Variants in NBPF26 observed in about 807,000 individuals in gnomAD.
NBPF26 encodes the protein NBPF member 26.
NBPF26 carries 79 observed loss-of-function variants against 119.6 expected under a neutral mutation model. That is an observed-to-expected ratio of 0.66 (90% CI 0.55 to 0.80). The LOEUF (loss-of-function observed/expected upper bound fraction) is 0.80, where lower values mean the gene tolerates loss of function less well. Among genes scored for constraint, NBPF26 ranks in the 30% least tolerant of loss-of-function variants. The pLI is 0.00. For missense variants in NBPF26, 800 were observed against 1,198.2 expected (o/e 0.67, Z 4.91); for synonymous variants, 299 against 457.7 (o/e 0.65, Z 4.43).
At chr1:120,724,212 T>C in exon 1 of NBPF26, 1 of 1,406,180 alleles carries the variant, frequency 7.1e-7, no homozygotes, top group Non-Finnish European at 9.3e-7. Flanking sequence ...CTGTGGGCGC[T>C]GCTGGCGCTC....
intron 17 of NBPF26, among the ~76,000 whole-genome samples, chr1:120,823,772 G>GTGTGTGTGTGTC (rs1169801196): frequency 6.2e-5 from 7 of 113,030 alleles, no homozygotes; most frequent in Admixed American, 5.9e-4. Context: ...GTGTGTGTGT[G>GTGTGTGTGTGTC]TGTGTGTGTG....
chr1:120,760,180 CTT>C (rs1161423259), intron 1 of NBPF26, among the ~76,000 whole-genome samples: 3 of 15,166 alleles, frequency 2.0e-4, no homozygotes, highest in South Asian at 1.3e-3. Flanking sequence ...TCTACCACAG[CTT>C]TTTTTTTTTT....
At chr1:120,813,249 A>G (rs1411048933) in intron 10 of NBPF26, among the ~76,000 whole-genome samples, 1 of 123,780 alleles carries the variant, frequency 8.1e-6, no homozygotes, top group Non-Finnish European at 1.6e-5. Context: ...AATCTCCTAG[A>G]ACATTTATTG....
rs1427731671 is a variant in NBPF26 at position 120,769,579 on chromosome 1, T to A, written c.155+5870T>A. Among the ~76,000 whole-genome samples the A allele has an allele frequency of 1.1e-4, 14 of 122,702 alleles. 5 individuals are homozygous for A. The highest frequency in any genetic ancestry group is 2.5e-4 in the African/African-American group (6 of 24,216). The allele number at this position is 122,702 out of a possible 152,430, so 80.5% of individuals were successfully genotyped here. ...TTTAACATAAAACAAAGAATGCTGTTTTTTTGGCTCATTAAATACCTCTCA... is the reference window on the plus strand; with the variant it reads ...TTTAACATAAAACAAAGAATGCTGTATTTTTGGCTCATTAAATACCTCTCA... On this transcript the variant is annotated intron_variant, in intron 2 of 29. Coordinates refer to ENST00000620612, the Ensembl canonical transcript of NBPF26.
At chr1:120,816,923 A>G in intron 14 of NBPF26, 96 bp downstream of exon 14, 4 of 1,232,374 alleles carry the variant, frequency 3.2e-6, no homozygotes, top group South Asian at 2.7e-5. Flanking sequence ...ATTTGAATAA[A>G]AAACTGTGAT....
chr1:120,840,610 C>T lies in NBPF26; in HGVS notation c.*17C>T, dbSNP rs1553273592. On this transcript the variant is annotated 3_prime_UTR_variant, in exon 30 of 30. Coordinates refer to ENST00000620612, the Ensembl canonical transcript of NBPF26. ...CCACAATAAGCAGCCCTTACTAAGC[C>T]GAGAGGTGTCATTCCTGCAGGCAGG... The T allele has an allele frequency of 5.6e-3, 8,149 of 1,459,388 alleles. 1,827 individuals are homozygous for T. The highest frequency in any genetic ancestry group is 6.9e-3 in the Non-Finnish European group (7,494 of 1,084,428). 90.4% of individuals were successfully genotyped at this position (1,459,388 alleles called of 1,614,324 possible).
chr1:120,735,252 A>G lies in NBPF26; in HGVS notation c.73+11002A>G, dbSNP rs1432778989. Among the ~76,000 whole-genome samples, 3 of 49,124 alleles carry G rather than the reference A, an allele frequency of 6.1e-5. 1 individual carries two copies. Among genetic ancestry groups the G allele is most frequent in the Non-Finnish European group, 1.0e-4 (3 of 28,742 alleles). The allele number at this position is 49,124 out of a possible 152,430, so 32.2% of individuals were successfully genotyped here. On this transcript the variant is annotated intron_variant, in intron 1 of 29. Transcript: ENST00000620612. Reference sequence around the variant, plus strand: ...CTAATTTTTTGTAGTTTTAGTAGAGACGGGGTTTCTCTATGTTGGGCAGGC... The same window carrying G: ...CTAATTTTTTGTAGTTTTAGTAGAGGCGGGGTTTCTCTATGTTGGGCAGGC...
rs1651503390 is a variant in NBPF26, at chr1:120,792,557, A to C, written c.416-604A>C. On this transcript the variant is annotated intron_variant, in intron 3 of 29. Transcript: ENST00000620612. ...TGCTGTGTCGCCCAGGCTGGAGTGC[A>C]GTGGTACAATCTCGGCTCACTGCAA... is the stretch of plus-strand genomic sequence containing the variant. 3.6e-5 allele frequency among the ~76,000 whole-genome samples: 4 copies of C among 110,412 alleles called. 1 individual carries two copies. The highest frequency in any genetic ancestry group is 3.5e-4 in the Admixed American group (4 of 11,422). 72.4% of individuals were successfully genotyped at this position (110,412 alleles called of 152,430 possible).
chr1:120,805,461 A>C, intron 4 of NBPF26, 95 bp from the exon 5 acceptor site: 2 of 1,385,922 alleles, frequency 1.4e-6, no homozygotes, highest in Non-Finnish European at 9.8e-7. Flanking sequence ...ACAGTAAGGT[A>C]AGAATTTCAG....
chr1:120,762,493 A>C (rs1453619417), intron 1 of NBPF26, among the ~76,000 whole-genome samples: 1 of 112,902 alleles, frequency 8.9e-6, no homozygotes, highest in Non-Finnish European at 1.7e-5. Context: ...CAATTTATGC[A>C]TAGAGTGGTG....
intron 7 of NBPF26, among the ~76,000 whole-genome samples, 186 bp from the exon 8 acceptor site, chr1:120,809,625 C>G (rs1410145914): frequency 2.0e-5 from 3 of 150,648 alleles, no homozygotes; most frequent in African/African-American, 7.4e-5. Context: ...TGGCCCTCCA[C>G]ATCAGAAATG....
chr1:120,814,262 G>A (rs1425518087), intron 11 of NBPF26, among the ~76,000 whole-genome samples: 2 of 120,930 alleles, frequency 1.7e-5, no homozygotes, highest in Admixed American at 1.6e-4. Context: ...AACCAAAGGA[G>A]TGTGAACCAC....
At chr1:120,812,818 G>A (rs1432477257) in intron 10 of NBPF26, among the ~76,000 whole-genome samples, 1 of 101,924 alleles carries the variant, frequency 9.8e-6, no homozygotes, top group African/African-American at 5.8e-5. Flanking sequence ...CCCTGCTCAG[G>A]AGGCTGAGGC....
chr1:120,779,457 C>G (rs1651337676), intron 2 of NBPF26, among the ~76,000 whole-genome samples: 1 of 115,946 alleles, frequency 8.6e-6, no homozygotes, highest in African/African-American at 4.2e-5. Flanking sequence ...TATGTTCTTT[C>G]AGAGTTCAAT....
In NBPF26 at chr1:120,791,402, G is replaced by A. The variant is rs1391845600; in HGVS notation, c.416-1759G>A. Among the ~76,000 whole-genome samples, 16 of 108,512 alleles carry A rather than the reference G, an allele frequency of 1.5e-4. 3 individuals carry two copies. The highest frequency in any genetic ancestry group is 7.9e-4 in the South Asian group (3 of 3,782). The allele number at this position is 108,512 out of a possible 152,430, so 71.2% of individuals were successfully genotyped here. On this transcript the variant is annotated intron_variant, in intron 3 of 29. Transcript: ENST00000620612. ...GCAAAGAGTTGGAACCAGCCCAAAT[G>A]TCCATCAATGATAGACTGGATTAAG... is the stretch of plus-strand genomic sequence containing the variant.
intron 3 of NBPF26, among the ~76,000 whole-genome samples, chr1:120,789,898 G>T (rs1186115387): frequency 1.5e-5 from 1 of 66,252 alleles, no homozygotes; most frequent in East Asian, 3.3e-4. Flanking sequence ...GGAAATGACA[G>T]TAATGCCTTC....
In NBPF26 at chr1:120,801,329, T is replaced by A. The variant is rs1651578845; in HGVS notation, c.752-4227T>A. ...TGACTGCCCATAGGTACAGGCATGCTTTTTGGCATTATGAAAATATACTGG... is the reference window on the plus strand; with the variant it reads ...TGACTGCCCATAGGTACAGGCATGCATTTTGGCATTATGAAAATATACTGG... On this transcript the variant is annotated intron_variant, in intron 4 of 29. Transcript: ENST00000620612. 1.7e-5 allele frequency among the ~76,000 whole-genome samples: 2 copies of A among 120,548 alleles called. 1 individual carries two copies. Among genetic ancestry groups the A allele is most frequent in the Non-Finnish European group, 3.3e-5 (2 of 60,246 alleles). The allele number at this position is 120,548 out of a possible 152,430, so 79.1% of individuals were successfully genotyped here.
intron 2 of NBPF26, among the ~76,000 whole-genome samples, chr1:120,770,307 C>G (rs1421794013): frequency 1.9e-5 from 2 of 107,988 alleles, no homozygotes; most frequent in East Asian, 2.2e-4. Flanking sequence ...GTAGCCGGGA[C>G]TATAAGCGCC....
chr1:120,784,881 G>T (rs1270228111), intron 2 of NBPF26, 93 bp from the exon 3 acceptor site: 2 of 1,035,174 alleles, frequency 1.9e-6, no homozygotes, highest in South Asian at 1.4e-5. Flanking sequence ...TCACAATCTC[G>T]TGCTTTCTTG....
Sources: allele counts gnomAD v4.1 joint callset (sites outside exome capture counted in the v4.1 genomes callset), GRCh38; gene constraint gnomAD v4.1.1; transcripts MANE v1.5; gene names NCBI Gene and HGNC (gene_info 2026-07-23, HGNC 2026-07-21).